PRMT3: variants seen among roughly 807,000 people sequenced by gnomAD.
PRMT3 encodes protein arginine N-methyltransferase 3.
Under a neutral mutation model 71.9 loss-of-function variants are expected in PRMT3, and 62 were observed. That is an observed-to-expected ratio of 0.86 (90% CI 0.70 to 1.07). PRMT3 has a LOEUF of 1.07. Among genes scored for constraint, PRMT3 ranks in the 50% least tolerant of loss-of-function variants. The pLI is 0.00. For missense variants in PRMT3, 663 were observed against 643.0 expected, an observed-to-expected ratio of 1.03 and a Z score of -0.34; for synonymous variants, 213 against 220.4, an observed-to-expected ratio of 0.97 and a Z score of 0.30.
chr11:20,435,241 G>A (rs946740227), intron 10 of PRMT3, among the ~76,000 whole-genome samples: 2 of 151,484 alleles, frequency 1.3e-5, no homozygotes, highest in East Asian at 1.9e-4. Context: ...ATTTTCTGTC[G>A]CCCAGGCTGG....
intron 13 of PRMT3, among the ~76,000 whole-genome samples, chr11:20,479,601 G>C (rs975339631): frequency 1.3e-5 from 2 of 152,166 alleles, no homozygotes; most frequent in Admixed American, 6.5e-5. Flanking sequence ...AAGAGATTAG[G>C]TGAAGTATGT....
intron 9 of PRMT3, among the ~76,000 whole-genome samples, chr11:20,414,386 T>C (rs1358609232): frequency 1.3e-5 from 2 of 152,158 alleles, no homozygotes; most frequent in African/African-American, 4.8e-5. Flanking sequence ...TTTTCTGAGA[T>C]GTTATGTTAG....
intron 7 of PRMT3, 130 bp downstream of exon 7, chr11:20,397,851 T>C: frequency 1.1e-6 from 1 of 891,478 alleles, no homozygotes; most frequent in East Asian, 2.8e-5. Context: ...TAAACACCTC[T>C]TTGGTGCTTG....
intron 7 of PRMT3, 71 bp downstream of exon 7, chr11:20,397,792 G>A (rs1434111715): frequency 6.5e-7 from 1 of 1,529,720 alleles, no homozygotes. Flanking sequence ...CTTAATATAT[G>A]TGTGCACTAT....
At chr11:20,507,599 G>T (rs1851621609) in intron 15 of PRMT3, among the ~76,000 whole-genome samples, 1 of 151,812 alleles carries the variant, frequency 6.6e-6, no homozygotes, top group Admixed American at 6.6e-5. Context: ...GGCCAAAATG[G>T]CAAAACCTTG....
At chr11:20,446,426 T>A (rs1258178077) in intron 10 of PRMT3, among the ~76,000 whole-genome samples, 1 of 152,082 alleles carries the variant, frequency 6.6e-6, no homozygotes, top group Non-Finnish European at 1.5e-5. Flanking sequence ...TGTGTGTGGC[T>A]GGCCAATATC....
At chr11:20,451,813 A>T (rs1485608511) in intron 10 of PRMT3, among the ~76,000 whole-genome samples, 1 of 152,114 alleles carries the variant, frequency 6.6e-6, no homozygotes, top group Non-Finnish European at 1.5e-5. Context: ...CATTCCAGGG[A>T]GTTATAGGGC....
At chr11:20,389,479 A>G (rs1848665835) in intron 2 of PRMT3, among the ~76,000 whole-genome samples, 1 of 152,222 alleles carries the variant, frequency 6.6e-6, no homozygotes, top group African/African-American at 2.4e-5. Flanking sequence ...TGATAAAATC[A>G]GTGATATTAT....
intron 15 of PRMT3, among the ~76,000 whole-genome samples, chr11:20,504,986 G>T (rs562454214): frequency 6.6e-5 from 10 of 152,226 alleles, no homozygotes; most frequent in Admixed American, 2.6e-4. Context: ...GCCCACCTTG[G>T]CCTCCCAAGG....
intron 9 of PRMT3, among the ~76,000 whole-genome samples, chr11:20,412,360 TC>T (rs1342910675): frequency 1.3e-5 from 2 of 151,494 alleles, no homozygotes; most frequent in African/African-American, 4.9e-5. Context: ...TTTTTAAAAA[TC>T]TGTTCACAAA....
intron 10 of PRMT3, among the ~76,000 whole-genome samples, chr11:20,428,537 A>G (rs1849592718): frequency 6.6e-6 from 1 of 152,228 alleles, no homozygotes; most frequent in African/African-American, 2.4e-5. Context: ...AGAATTATTA[A>G]TAGGCAATTG....
At chr11:20,406,044 A>G (rs1308840456) in intron 8 of PRMT3, 3 of 152,180 alleles carry the variant, frequency 2.0e-5, no homozygotes, top group Non-Finnish European at 4.4e-5. Context: ...TACATCATAT[A>G]AGTGGAATCT....
chr11:20,495,547 T>A (rs1464783944), intron 15 of PRMT3, among the ~76,000 whole-genome samples: 1 of 152,032 alleles, frequency 6.6e-6, no homozygotes, highest in East Asian at 1.9e-4. Flanking sequence ...TCAAAATATA[T>A]TTGTCTTAGC....
chr11:20,505,268 A>G (rs1304416727), intron 15 of PRMT3, among the ~76,000 whole-genome samples: 2 of 152,016 alleles, frequency 1.3e-5, no homozygotes, highest in African/African-American at 4.8e-5. Context: ...TTTTCCCTCC[A>G]CACTTTAATG....
chr11:20,400,520 A>T (rs1415037134), intron 7 of PRMT3, among the ~76,000 whole-genome samples: 3 of 152,146 alleles, frequency 2.0e-5, no homozygotes, highest in African/African-American at 7.2e-5. Flanking sequence ...GATAAACATT[A>T]TTCATTCTGT....
chr11:20,491,542 T>C (rs1472566914), intron 13 of PRMT3, among the ~76,000 whole-genome samples: 2 of 152,226 alleles, frequency 1.3e-5, no homozygotes, highest in Non-Finnish European at 2.9e-5. Flanking sequence ...GTTGACCAAG[T>C]CTCAGTCACA....
chr11:20,488,736 A>C (rs1851138476), intron 13 of PRMT3, among the ~76,000 whole-genome samples: 1 of 152,234 alleles, frequency 6.6e-6, no homozygotes, highest in South Asian at 2.1e-4. Context: ...ATCCTATTAC[A>C]TACACACAAT....
chr11:20,401,363 G>A (rs1426171293), intron 7 of PRMT3, among the ~76,000 whole-genome samples: 1 of 152,004 alleles, frequency 6.6e-6, no homozygotes, highest in African/African-American at 2.4e-5. Context: ...TTTAAAATTA[G>A]ATAATTAGTT....
At chr11:20,425,366 T>C (rs1849524607) in intron 9 of PRMT3, among the ~76,000 whole-genome samples, 1 of 152,258 alleles carries the variant, frequency 6.6e-6, no homozygotes, top group Non-Finnish European at 1.5e-5. Context: ...GTTTATATGC[T>C]TTGTAAAACA....
Sources: gnomAD v4.1 joint callset for allele counts (sites outside exome capture counted in the v4.1 genomes callset) on GRCh38, gnomAD v4.1.1 for gene constraint, MANE v1.5 for transcripts, NCBI Gene and HGNC (gene_info 2026-07-23, HGNC 2026-07-21) for gene names.